The following EPB41L5 variants were observed in gnomAD, a reference collection of about 807,000 sequenced individuals.
The protein encoded by EPB41L5 is erythrocyte membrane protein band 4.1 like 5, also known as band 4.1-like protein 5.
A neutral mutation model predicts 106.6 loss-of-function variants in EPB41L5; 55 were observed. The observed-to-expected ratio is 0.52, with a 90% confidence interval of 0.42 to 0.65. EPB41L5 has a LOEUF of 0.65. Among genes scored for constraint, EPB41L5 ranks in the 30% least tolerant of loss-of-function variants. The pLI is 0.00. For synonymous variants in EPB41L5, 297 were observed against 306.7 expected (o/e 0.97, Z 0.33); for missense variants, 871 against 882.1 (o/e 0.99, Z 0.16).
chr2:120,078,639 T>C (rs983667609), intron 10 of EPB41L5, 58 bp downstream of exon 10: 11 of 1,126,378 alleles, frequency 9.8e-6, no homozygotes, highest in Admixed American at 8.3e-5. Context: ...AATGAGTAAA[T>C]AAAGTTAATA....
intron 3 of EPB41L5, among the ~76,000 whole-genome samples, chr2:120,057,094 A>G (rs1018284744): frequency 1.3e-5 from 2 of 152,026 alleles, no homozygotes; most frequent in Non-Finnish European, 2.9e-5. Context: ...GGGGCTCACC[A>G]TGTTGCCCAG....
Position 120,112,856 on chromosome 2 carries a change from A to G in EPB41L5, c.1337+12042A>G, listed in dbSNP as rs116009628. Among the ~76,000 whole-genome samples the G allele has an allele frequency of 1.9e-3, 284 of 152,322 alleles. 1 individual carries two copies. The highest frequency in any genetic ancestry group is 3.4e-3 in the Non-Finnish European group (229 of 68,026). ...CCTCATTTAATCCTTATGAGGATCT[A>G]TAAGGTATTCAGGCTAGTGAAGAAA... On this transcript the variant is annotated intron_variant, in intron 16 of 24. Coordinates refer to ENST00000263713, the MANE Select transcript of EPB41L5 (RefSeq NM_020909.4).
intron 16 of EPB41L5, chr2:120,105,986 T>G (rs1453058711): frequency 4.1e-6 from 4 of 985,278 alleles, no homozygotes; most frequent in Non-Finnish European, 4.8e-6. Context: ...TTCACTCACT[T>G]TAAAATTATT....
chr2:120,083,515 A>G (rs1682834287), intron 10 of EPB41L5, among the ~76,000 whole-genome samples: 1 of 152,178 alleles, frequency 6.6e-6, no homozygotes, highest in African/African-American at 2.4e-5. Flanking sequence ...GGAGTGTTTT[A>G]CTTCCAACTA....
At chr2:120,075,625 CAT>C (rs1682176658) in intron 6 of EPB41L5, 74 bp from the exon 7 acceptor site, 9 of 1,429,950 alleles carry the variant, frequency 6.3e-6, no homozygotes, top group East Asian at 4.6e-5. Context: ...CAACATAAAA[CAT>C]GTATTATTTT....
intron 18 of EPB41L5, among the ~76,000 whole-genome samples, chr2:120,135,760 C>G (rs1288917213): frequency 6.6e-6 from 1 of 152,100 alleles, no homozygotes; most frequent in African/African-American, 2.4e-5. Flanking sequence ...AGATACCCTT[C>G]AAACATGAAG....
intron 14 of EPB41L5, among the ~76,000 whole-genome samples, chr2:120,097,122 A>T (rs1327381624): frequency 6.6e-6 from 1 of 152,244 alleles, no homozygotes; most frequent in African/African-American, 2.4e-5. Context: ...TAATGGCTAA[A>T]TGTTGGTGTC....
chr2:120,053,990 T>G (rs1157702256), intron 3 of EPB41L5, among the ~76,000 whole-genome samples: 1 of 152,140 alleles, frequency 6.6e-6, no homozygotes, highest in Non-Finnish European at 1.5e-5. Context: ...GTGCCAAACT[T>G]TTCCAGTGAT....
intron 22 of EPB41L5, among the ~76,000 whole-genome samples, chr2:120,167,260 T>C (rs1238577855): frequency 1.3e-5 from 2 of 152,204 alleles, no homozygotes; most frequent in African/African-American, 2.4e-5. Context: ...TTATGACACT[T>C]TCTTAAGTGG....
chr2:120,019,009 G>T, intron 1 of EPB41L5, 68 bp from the exon 2 acceptor site: 2 of 1,348,242 alleles, frequency 1.5e-6, no homozygotes, highest in South Asian at 1.3e-5. Context: ...AATGCCATTT[G>T]ACTGACTGCA....
intron 2 of EPB41L5, among the ~76,000 whole-genome samples, chr2:120,021,822 G>C (rs960200782): frequency 2.6e-5 from 4 of 152,156 alleles, no homozygotes; most frequent in Non-Finnish European, 4.4e-5. Flanking sequence ...CCCCTTTTCA[G>C]ATTTATTTTC....
chr2:120,066,642 G>A (rs1681461907), intron 3 of EPB41L5, among the ~76,000 whole-genome samples: 1 of 152,124 alleles, frequency 6.6e-6, no homozygotes, highest in Admixed American at 6.6e-5. Context: ...TTATTTTTGA[G>A]ACATTATCTA....
intron 11 of EPB41L5, among the ~76,000 whole-genome samples, chr2:120,088,444 G>A (rs1683209263): frequency 6.6e-6 from 1 of 152,124 alleles, no homozygotes; most frequent in Admixed American, 6.5e-5. Context: ...AGTGGGGAGG[G>A]TGGGAAGAGG....
chr2:120,151,142 C>T (rs190768559), intron 20 of EPB41L5, among the ~76,000 whole-genome samples: 61 of 152,134 alleles, frequency 4.0e-4, no homozygotes, highest in African/African-American at 1.4e-3. Flanking sequence ...GAAACCCTGT[C>T]TCTACTCAAA....
chr2:120,034,261 A>G (rs1361028060), intron 2 of EPB41L5, among the ~76,000 whole-genome samples: 1 of 152,184 alleles, frequency 6.6e-6, no homozygotes, highest in South Asian at 2.1e-4. Context: ...ATTCTTTCTC[A>G]CCTTAGAACA....
chr2:120,062,728 TG>T (rs1398201360), intron 3 of EPB41L5, among the ~76,000 whole-genome samples: 9 of 152,224 alleles, frequency 5.9e-5, no homozygotes, highest in Admixed American at 5.9e-4. Context: ...TCAATAATTA[TG>T]GGGTTTGAGG....
At chr2:120,093,730 A>G (rs1488682876) in intron 14 of EPB41L5, among the ~76,000 whole-genome samples, 1 of 152,142 alleles carries the variant, frequency 6.6e-6, no homozygotes, top group Non-Finnish European at 1.5e-5. Flanking sequence ...TTCATCAGAA[A>G]TATTGGCCTG....
chr2:120,052,632 C>T (rs1456685922), intron 3 of EPB41L5, among the ~76,000 whole-genome samples: 1 of 152,304 alleles, frequency 6.6e-6, no homozygotes, highest in East Asian at 1.9e-4. Flanking sequence ...ATGGGAGCTG[C>T]TTCAAGATGG....
chr2:120,045,581 T>C (rs1679710109), intron 3 of EPB41L5, among the ~76,000 whole-genome samples: 1 of 152,212 alleles, frequency 6.6e-6, no homozygotes, highest in African/African-American at 2.4e-5. Context: ...CTCCTTAGAC[T>C]GTATTCAGAT....
Sources: gnomAD v4.1 joint callset for allele counts (sites outside exome capture counted in the v4.1 genomes callset) on GRCh38, gnomAD v4.1.1 for gene constraint, MANE v1.5 for transcripts, NCBI Gene and HGNC (gene_info 2026-07-23, HGNC 2026-07-21) for gene names.